The following GPR176 variants were observed in gnomAD, a reference collection of about 807,000 sequenced individuals.
The protein encoded by GPR176 is G-protein coupled receptor 176.
A neutral mutation model predicts 35.4 loss-of-function variants in GPR176; 26 were observed. The ratio of observed to expected loss-of-function variants is 0.74; its 90% CI spans 0.54 to 1.02. GPR176 has a LOEUF of 1.02. Ranked by LOEUF, GPR176 falls within the 50% of genes least tolerant of loss-of-function variation. The probability of loss-of-function intolerance (pLI) is 0.00; values close to 1 mark genes in which losing one functional copy is unlikely to be tolerated. For synonymous variants in GPR176, 278 were observed against 271.3 expected (o/e 1.02, Z -0.24); for missense variants, 597 against 665.3 (o/e 0.90, Z 1.13).
chr15:39,888,407 C>T (rs983579765), intron 1 of GPR176, among the ~76,000 whole-genome samples: 1 of 152,054 alleles, frequency 6.6e-6, no homozygotes, highest in African/African-American at 2.4e-5. Context: ...CACCTCAGTC[C>T]CCCAAGCAGC....
intron 1 of GPR176, among the ~76,000 whole-genome samples, chr15:39,880,771 G>T (rs56274936): frequency 0.28 from 43,242 of 151,834 alleles, 6,611 homozygotes; most frequent in Non-Finnish European, 0.34. Flanking sequence ...TCCTGAAAAT[G>T]TTATCTCCTT....
intron 1 of GPR176, among the ~76,000 whole-genome samples, chr15:39,824,184 G>A (rs376011435): frequency 6.6e-5 from 10 of 152,234 alleles, no homozygotes; most frequent in East Asian, 3.9e-4. Flanking sequence ...GCTCCCCTTC[G>A]CCTTCTGCCA....
Position 39,799,763 on chromosome 15 carries a change from T to C in GPR176, c.*1369A>G, listed in dbSNP as rs1411414493. 6.6e-6 allele frequency: 1 copy of C among 152,280 alleles called. No individual in the cohort carries two copies. Among genetic ancestry groups the C allele is most frequent in the Non-Finnish European group, 1.5e-5 (1 of 68,092 alleles). 9.4% of individuals were successfully genotyped at this position (152,280 alleles called of 1,614,324 possible). A position where few individuals can be genotyped will look rare whatever the true frequency, so the allele number is the denominator to read the frequency against. On this transcript the variant is annotated 3_prime_UTR_variant, in exon 3 of 3. Coordinates refer to ENST00000561100, the MANE Select transcript of GPR176 (RefSeq NM_007223.3). The stretch of plus-strand genomic sequence containing the variant: ...TGTCCTCACTAACAGGGAAGTATTA[T>C]CTGCGGTTCTAATTCAACCTGGTGA...
intron 1 of GPR176, among the ~76,000 whole-genome samples, chr15:39,903,646 CTG>C (rs2033342076): frequency 6.6e-6 from 1 of 151,782 alleles, no homozygotes; most frequent in African/African-American, 2.4e-5. Context: ...CTCCAAAAAA[CTG>C]TATGAGATGG....
At chr15:39,844,912 C>A (rs1466157829) in intron 1 of GPR176, among the ~76,000 whole-genome samples, 1 of 152,070 alleles carries the variant, frequency 6.6e-6, no homozygotes, top group East Asian at 1.9e-4. Flanking sequence ...GTAGGACTTT[C>A]AAGGATGAAA....
rs551565660 is a variant in GPR176 at position 39,857,971 on chromosome 15, C to CA, written c.173-50714dup. ...GGGCAAGAGTGTGAGACTCCTTCTC[C>CA]AAAAAAAAAAAAAAAGAAAGAAAGA... On this transcript the variant is annotated intron_variant, in intron 1 of 2. Transcript: ENST00000561100. Among the ~76,000 whole-genome samples, 458 of 76,988 alleles carry CA rather than the reference C, an allele frequency of 5.9e-3. 1 individual carries two copies. The highest frequency in any genetic ancestry group is 0.017 in the Middle Eastern group (2 of 120). 50.5% of individuals were successfully genotyped at this position (76,988 alleles called of 152,430 possible).
At chr15:39,844,449 C>T (rs375375675) in intron 1 of GPR176, among the ~76,000 whole-genome samples, 43 of 152,198 alleles carry the variant, frequency 2.8e-4, no homozygotes, top group African/African-American at 9.9e-4. Flanking sequence ...ATCCAAACCA[C>T]GGTTAGACAG....
chr15:39,865,930 G>A (rs62002495), intron 1 of GPR176, among the ~76,000 whole-genome samples: 39,243 of 151,900 alleles, frequency 0.26, 5,686 homozygotes, highest in Non-Finnish European at 0.33. Flanking sequence ...TTGTAACGGT[G>A]AAAGACTGGA....
At position 39,920,183 on chromosome 15, in the gene GPR176, CCG is replaced by C. The variant is rs2033840854; in HGVS notation, c.-159_-158del. ...CCCTCACGTCTCCACATCGCCAACCCCGGCGCCCGGGAGGCGGGGAGGGAGGG... is the reference window on the plus strand; with the variant it reads ...CCCTCACGTCTCCACATCGCCAACCCGCGCCCGGGAGGCGGGGAGGGAGGG... On this transcript the variant is annotated 5_prime_UTR_variant, in exon 1 of 3. The change abolishes the stop of an existing upstream ORF in the 5' untranslated region. Transcript: ENST00000561100. 4.5e-6 allele frequency: 2 copies of C among 447,640 alleles called. No homozygotes were observed. Among genetic ancestry groups the C allele is most frequent in the Admixed American group, 4.4e-5 (1 of 22,664 alleles). The allele number at this position is 447,640 out of a possible 1,614,324, so 27.7% of individuals were successfully genotyped here.
intron 1 of GPR176, among the ~76,000 whole-genome samples, chr15:39,852,733 C>G (rs2030956302): frequency 6.6e-6 from 1 of 152,130 alleles, no homozygotes; most frequent in Non-Finnish European, 1.5e-5. Context: ...TCATTACTAA[C>G]AGAAAAGCAA....
At chr15:39,860,816 C>G (rs2031539933) in intron 1 of GPR176, 1 of 152,136 alleles carries the variant, frequency 6.6e-6, no homozygotes, top group Non-Finnish European at 1.5e-5. Flanking sequence ...ATACTGATAC[C>G]TACCTGAAAA....
intron 1 of GPR176, among the ~76,000 whole-genome samples, chr15:39,905,326 A>G (rs775028290): frequency 6.6e-6 from 1 of 152,056 alleles, no homozygotes; most frequent in Admixed American, 6.6e-5. Flanking sequence ...AAAAGGTCAT[A>G]TAGACTGGGT....
intron 1 of GPR176, among the ~76,000 whole-genome samples, chr15:39,831,993 T>TGCAC (rs1375107064): frequency 8.8e-6 from 1 of 113,852 alleles, no homozygotes; most frequent in Non-Finnish European, 1.8e-5. Flanking sequence ...CACATGTGCA[T>TGCAC]GCACACACAC....
chr15:39,816,864 G>C (rs1448069815), intron 1 of GPR176, among the ~76,000 whole-genome samples: 1 of 151,652 alleles, frequency 6.6e-6, no homozygotes, highest in Non-Finnish European at 1.5e-5. Flanking sequence ...AGACCCACCT[G>C]GTCAACATAG....
intron 1 of GPR176, chr15:39,829,131 G>T: frequency 1.4e-6 from 2 of 1,476,578 alleles, no homozygotes; most frequent in African/African-American, 1.4e-5. Flanking sequence ...GACAGAAGCA[G>T]TTGAACTCCA....
intron 1 of GPR176, among the ~76,000 whole-genome samples, chr15:39,893,831 C>G (rs1258838711): frequency 2.1e-5 from 3 of 144,230 alleles, no homozygotes; most frequent in Admixed American, 6.8e-5. Flanking sequence ...GGCAGAGGGG[C>G]TCCTCACTTC....
rs899322314 is a variant in GPR176, at chr15:39,847,470, G to A, written c.173-40212C>T. On this transcript the variant is annotated intron_variant, in intron 1 of 2. Transcript: ENST00000561100. The stretch of plus-strand genomic sequence containing the variant: ...AAACATAAAGAACTCATGAGGCCGG[G>A]CACAATGGCTCACACCTATAATCCC... Among the ~76,000 whole-genome samples the A allele has an allele frequency of 3.9e-5, 6 of 152,074 alleles. No homozygotes were observed. In the South Asian group the frequency reaches 6.2e-4, roughly 16 times the overall value.
At chr15:39,819,973 T>C (rs1157977264) in intron 1 of GPR176, among the ~76,000 whole-genome samples, 3 of 152,216 alleles carry the variant, frequency 2.0e-5, no homozygotes, top group Non-Finnish European at 4.4e-5. Flanking sequence ...CATTTTTCTA[T>C]AGCTGAATTT....
chr15:39,848,915 T>TAAAAAAAAAAAAAAACAAAAA (rs35585820), intron 1 of GPR176, among the ~76,000 whole-genome samples: 1 of 84,842 alleles, frequency 1.2e-5, no homozygotes, highest in Non-Finnish European at 2.6e-5. Flanking sequence ...AAAAGCAAAG[T>TAAAAAAAAAAAAAAACAAAAA]AAAAAAAAAA....
Sources: gnomAD v4.1 joint callset for allele counts (sites outside exome capture counted in the v4.1 genomes callset) on GRCh38, gnomAD v4.1.1 for gene constraint, MANE v1.5 for transcripts, NCBI Gene and HGNC (gene_info 2026-07-23, HGNC 2026-07-21) for gene names.